VPS54: variants seen among roughly 807,000 people sequenced by gnomAD.
The protein encoded by VPS54 is vacuolar protein sorting-associated protein 54.
A neutral mutation model predicts 121.5 loss-of-function variants in VPS54; 45 were observed. The observed-to-expected ratio is 0.37, with a 90% CI of 0.29 to 0.47. VPS54 has a LOEUF of 0.47. Among genes scored for constraint, VPS54 ranks in the 20% least tolerant of loss-of-function variants. The probability of loss-of-function intolerance (pLI) is 0.99; values close to 1 mark genes in which losing one functional copy is unlikely to be tolerated. For synonymous variants in VPS54, 371 were observed against 385.8 expected (o/e 0.96, Z 0.45); for missense variants, 1,090 against 1,131.4 (o/e 0.96, Z 0.52).
chr2:63,975,224 G>A, intron 3 of VPS54: 1 of 490,860 alleles, frequency 2.0e-6, no homozygotes, highest in Non-Finnish European at 3.6e-6. Flanking sequence ...AAAGAGATCT[G>A]ACCTAACCAA....
At chr2:63,965,041 G>A (rs1675929013) in intron 6 of VPS54, among the ~76,000 whole-genome samples, 1 of 152,104 alleles carries the variant, frequency 6.6e-6, no homozygotes, top group African/African-American at 2.4e-5. Flanking sequence ...TAAAAGACTA[G>A]GCTTTGCAAA....
At chr2:63,933,187 A>G (rs1297004724) in intron 12 of VPS54, among the ~76,000 whole-genome samples, 1 of 151,618 alleles carries the variant, frequency 6.6e-6, no homozygotes, top group Non-Finnish European at 1.5e-5. Context: ...CAAAATAAGA[A>G]GTTTTTAAAA....
At chr2:63,966,511 A>G (rs1050757336) in intron 5 of VPS54, among the ~76,000 whole-genome samples, 6 of 152,210 alleles carry the variant, frequency 3.9e-5, no homozygotes, top group Non-Finnish European at 5.9e-5. Flanking sequence ...TTTTGTAAAT[A>G]TACCTTGAAT....
intron 1 of VPS54, among the ~76,000 whole-genome samples, chr2:63,995,103 C>G (rs540523589): frequency 6.6e-6 from 1 of 152,330 alleles, no homozygotes; most frequent in Non-Finnish European, 1.5e-5. Flanking sequence ...ATTGCCATGT[C>G]TGGACTGCAA....
chr2:63,952,204 G>T (rs1326366073), intron 7 of VPS54, among the ~76,000 whole-genome samples: 1 of 152,082 alleles, frequency 6.6e-6, no homozygotes, highest in Non-Finnish European at 1.5e-5. Context: ...AAAATGTAAG[G>T]ATGAAGTACT....
At chr2:63,899,794 G>C (rs907596164) in intron 20 of VPS54, among the ~76,000 whole-genome samples, 4 of 152,148 alleles carry the variant, frequency 2.6e-5, no homozygotes, top group African/African-American at 9.7e-5. Flanking sequence ...AACTAAAATA[G>C]CTCAGTGACT....
At chr2:63,951,776 C>T (rs1675257231) in intron 7 of VPS54, among the ~76,000 whole-genome samples, 1 of 151,968 alleles carries the variant, frequency 6.6e-6, no homozygotes, top group South Asian at 2.1e-4. Flanking sequence ...TTTCACAAAT[C>T]TCCAAAAACT....
At chr2:64,007,725 T>C (rs576735791) in intron 1 of VPS54, among the ~76,000 whole-genome samples, 2 of 152,164 alleles carry the variant, frequency 1.3e-5, no homozygotes, top group Non-Finnish European at 2.9e-5. Flanking sequence ...AGAAGAGAGC[T>C]AATGAAAGCT....
At chr2:63,958,759 A>G (rs891358894) in intron 7 of VPS54, among the ~76,000 whole-genome samples, 2 of 152,196 alleles carry the variant, frequency 1.3e-5, no homozygotes, top group African/African-American at 4.8e-5. Flanking sequence ...AAAGAACAGT[A>G]TAGCCAAAAG....
chr2:64,001,278 C>G (rs72808275), intron 1 of VPS54, among the ~76,000 whole-genome samples: 61 of 152,290 alleles, frequency 4.0e-4, no homozygotes, highest in Admixed American at 3.1e-3. Context: ...GTAAGCTCCC[C>G]TCTGGTCCAG....
At chr2:63,895,945 T>C (rs1431710307) in intron 22 of VPS54, among the ~76,000 whole-genome samples, 2 of 152,200 alleles carry the variant, frequency 1.3e-5, no homozygotes, top group Non-Finnish European at 2.9e-5. Flanking sequence ...GATTTAGTTA[T>C]GGGAATAAAA....
chr2:63,946,327 T>C (rs1278651341), intron 9 of VPS54, among the ~76,000 whole-genome samples: 3 of 152,146 alleles, frequency 2.0e-5, no homozygotes, highest in Non-Finnish European at 4.4e-5. Flanking sequence ...AAATTACAAA[T>C]AGTACTGCCA....
chr2:63,973,189 A>G (rs997948884), intron 3 of VPS54, among the ~76,000 whole-genome samples: 12 of 152,180 alleles, frequency 7.9e-5, no homozygotes, highest in African/African-American at 2.7e-4. Flanking sequence ...CCTTGTCAAC[A>G]TTTGGTGTTG....
intron 5 of VPS54, among the ~76,000 whole-genome samples, chr2:63,968,670 G>C (rs1676125950): frequency 6.6e-6 from 1 of 152,078 alleles, no homozygotes; most frequent in Admixed American, 6.6e-5. Flanking sequence ...AGTGAACTGA[G>C]ATTGCACCAC....
chr2:63,934,037 T>C (rs746903977), intron 11 of VPS54, 24 bp from the exon 12 acceptor site: 79 of 1,582,782 alleles, frequency 5.0e-5, no homozygotes, highest in Non-Finnish European at 6.3e-5. Context: ...GGACACACTT[T>C]TAAGGGACGT....
At chr2:64,007,206 T>C (rs981749278) in intron 1 of VPS54, among the ~76,000 whole-genome samples, 3 of 152,086 alleles carry the variant, frequency 2.0e-5, no homozygotes, top group Non-Finnish European at 4.4e-5. Context: ...GTAAAAAGAA[T>C]ATTGGAAAGT....
rs183463532 is a variant in VPS54, at chr2:63,988,066, G to A, written c.-20-4047C>T. 4.6e-5 allele frequency among the ~76,000 whole-genome samples: 7 copies of A among 152,252 alleles called. No individual in the cohort carries two copies. In the East Asian group the frequency reaches 9.6e-4, roughly 21 times the overall value. On this transcript the variant is annotated intron_variant, in intron 1 of 22. Coordinates refer to ENST00000272322, the MANE Select transcript of VPS54 (RefSeq NM_016516.3). ...ACTTCCAATACTACGTTGAATAACT[G>A]TAGTGAAAGTGGGCATCCTTGCTGT...
intron 1 of VPS54, among the ~76,000 whole-genome samples, chr2:63,987,536 A>AG (rs1274345030): frequency 6.6e-6 from 1 of 152,094 alleles, no homozygotes; most frequent in African/African-American, 2.4e-5. Flanking sequence ...TATAAATTTC[A>AG]AGATTGTTTT....
At chr2:63,981,960 A>G (rs1247490675) in intron 2 of VPS54, 73 bp from the exon 3 acceptor site, 1 of 1,473,446 alleles carries the variant, frequency 6.8e-7, no homozygotes, top group African/African-American at 1.4e-5. Flanking sequence ...CACACTAGAA[A>G]ACTAAAAATG....
Sources: allele counts gnomAD v4.1 joint callset (sites outside exome capture counted in the v4.1 genomes callset), GRCh38; gene constraint gnomAD v4.1.1; transcripts MANE v1.5; gene names NCBI Gene and HGNC (gene_info 2026-07-23, HGNC 2026-07-21).